ASCC3: variants seen among roughly 807,000 people sequenced by gnomAD.
The protein encoded by ASCC3 is ASC-1 complex subunit P200.
In ASCC3, 158 loss-of-function variants were observed where a neutral mutation model predicts 256.3. The observed-to-expected ratio is 0.62, with a 90% CI of 0.54 to 0.70. The LOEUF (loss-of-function observed/expected upper bound fraction) is 0.70. Among genes scored for constraint, ASCC3 ranks in the 30% least tolerant of loss-of-function variants. ASCC3 has a pLI of 0.00. For missense variants in ASCC3, 2,259 were observed against 2,626.0 expected (o/e 0.86, Z 3.05); for synonymous variants, 948 against 883.4 (o/e 1.07, Z -1.30).
At chr6:100,760,804 G>GAAAAT (rs1281293670) in intron 10 of ASCC3, among the ~76,000 whole-genome samples, 2 of 152,206 alleles carry the variant, frequency 1.3e-5, no homozygotes, top group East Asian at 3.9e-4. Flanking sequence ...GAACAGATTG[G>GAAAAT]AAAATAAAAC....
At chr6:100,745,098 GC>G (rs1780601141) in intron 10 of ASCC3, among the ~76,000 whole-genome samples, 1 of 152,190 alleles carries the variant, frequency 6.6e-6, no homozygotes, top group Admixed American at 6.5e-5. Flanking sequence ...GGAGGCCGAG[GC>G]AGGCGGATCA....
chr6:100,568,798 G>C (rs893568369), intron 36 of ASCC3, among the ~76,000 whole-genome samples: 3 of 142,976 alleles, frequency 2.1e-5, no homozygotes, highest in African/African-American at 7.8e-5. Context: ...TATTTTTTGA[G>C]ACAGAGTCTC....
At chr6:100,535,474 T>G (rs1009339591) in intron 37 of ASCC3, among the ~76,000 whole-genome samples, 2 of 145,744 alleles carry the variant, frequency 1.4e-5, no homozygotes, top group African/African-American at 5.1e-5. Flanking sequence ...GTGTTTTTTT[T>G]TTTTTTTTTT....
intron 11 of ASCC3, among the ~76,000 whole-genome samples, chr6:100,724,610 C>T (rs964362752): frequency 6.6e-6 from 1 of 151,108 alleles, no homozygotes; most frequent in Non-Finnish European, 1.5e-5. Flanking sequence ...CTCTGAGAAA[C>T]GAGTAAGGGG....
At chr6:100,578,435 T>C (rs1376195682) in intron 36 of ASCC3, among the ~76,000 whole-genome samples, 1 of 151,970 alleles carries the variant, frequency 6.6e-6, no homozygotes. Context: ...CACATTCAAG[T>C]AGGCCCTTGT....
intron 4 of ASCC3, among the ~76,000 whole-genome samples, chr6:100,809,942 C>T (rs1340676770): frequency 6.6e-6 from 1 of 152,114 alleles, no homozygotes; most frequent in Non-Finnish European, 1.5e-5. Flanking sequence ...CCCATTATGT[C>T]ATATGCCCTG....
intron 8 of ASCC3, among the ~76,000 whole-genome samples, chr6:100,794,408 A>T (rs1185131167): frequency 1.3e-5 from 2 of 152,054 alleles, no homozygotes; most frequent in African/African-American, 4.8e-5. Context: ...TTTGTGTGGC[A>T]TACACCACCA....
At chr6:100,532,404 ATATTTTTTT>A (rs1180875223) in intron 37 of ASCC3, among the ~76,000 whole-genome samples, 454 of 47,940 alleles carry the variant, frequency 9.5e-3, no homozygotes, top group Middle Eastern at 0.015. Context: ...ATATATATAT[ATATTTTTTT>A]TTTTTTTTTT....
At chr6:100,827,723 T>C (rs905472746) in intron 4 of ASCC3, among the ~76,000 whole-genome samples, 1 of 152,170 alleles carries the variant, frequency 6.6e-6, no homozygotes, top group African/African-American at 2.4e-5. Context: ...TACTACTATA[T>C]TGTACACTTT....
At chr6:100,560,748 AACACACACACACACACACAC>A (rs747539213) in intron 36 of ASCC3, among the ~76,000 whole-genome samples, 3 of 133,878 alleles carry the variant, frequency 2.2e-5, no homozygotes, top group East Asian at 4.6e-4. Flanking sequence ...ATCTTAGAGG[AACACACACACACACACACAC>A]ACACACACAC....
intron 26 of ASCC3, 44 bp downstream of exon 26, chr6:100,631,084 T>C (rs1170755455): frequency 2.9e-6 from 4 of 1,377,166 alleles, no homozygotes; most frequent in Admixed American, 3.5e-5. Flanking sequence ...CTGGTCCTTT[T>C]AGTCAATTCA....
intron 21 of ASCC3, 25 bp from the exon 22 acceptor site, chr6:100,646,794 G>A (rs1775404425): frequency 6.2e-7 from 1 of 1,610,826 alleles, no homozygotes; most frequent in African/African-American, 1.3e-5. Context: ...TCACATAGAA[G>A]AAATGTGTCC....
intron 4 of ASCC3, among the ~76,000 whole-genome samples, chr6:100,837,077 G>C (rs566455845): frequency 6.6e-6 from 1 of 152,050 alleles, no homozygotes; most frequent in African/African-American, 2.4e-5. Context: ...AATCTGAATA[G>C]ACATTTCTGA....
intron 25 of ASCC3, among the ~76,000 whole-genome samples, 180 bp downstream of exon 25, chr6:100,638,418 GGTA>G (rs964341846): frequency 2.0e-4 from 30 of 152,158 alleles, no homozygotes; most frequent in African/African-American, 7.2e-4. Flanking sequence ...ACTATATTGT[GGTA>G]GTATATAACC....
chr6:100,590,008 G>A lies in ASCC3; in HGVS notation c.5355C>T (p.Ser1785=), dbSNP rs1771920628. The change falls in exon 35 of 42, where the codon TCC becomes TCT. Residue 1785 remains serine, a synonymous_variant. Coordinates refer to ENST00000369162, the MANE Select transcript of ASCC3 (RefSeq NM_006828.4). ...CAATCAGGGACTTCTCAATCAGATG[G>A]GACAGAAACTTGTTCACAGAATCAT... ...VSHDSVNKFL[S]HLIEKSLIEL... The A allele has an allele frequency of 6.2e-7, 1 of 1,613,346 alleles. No homozygotes were observed. Among genetic ancestry groups the A allele is most frequent in the African/African-American group, 1.3e-5 (1 of 74,812 alleles).
chr6:100,632,617 A>G (rs1774613478), intron 25 of ASCC3, among the ~76,000 whole-genome samples: 1 of 152,166 alleles, frequency 6.6e-6, no homozygotes, highest in Non-Finnish European at 1.5e-5. Flanking sequence ...TGGACCTGAC[A>G]TAAAAAGAGG....
rs1771113914 is a variant in ASCC3 at position 100,579,913 on chromosome 6, G to C, written c.5550+9721C>G. 2.6e-5 allele frequency among the ~76,000 whole-genome samples: 4 copies of C among 152,180 alleles called. No individual in the cohort carries two copies. In the Middle Eastern group the frequency reaches 0.014, roughly 518 times the overall value. Reference sequence around the variant, plus strand: ...TAGCACTGAATGTATAAATTGCTTTGGGCAGTATGGCCATTTTAACAATAG... The same window carrying C: ...TAGCACTGAATGTATAAATTGCTTTCGGCAGTATGGCCATTTTAACAATAG... On this transcript the variant is annotated intron_variant, in intron 36 of 41. Coordinates refer to ENST00000369162, the MANE Select transcript of ASCC3 (RefSeq NM_006828.4).
chr6:100,726,339 GATT>G (rs1304598092), intron 10 of ASCC3, among the ~76,000 whole-genome samples: 2 of 151,906 alleles, frequency 1.3e-5, no homozygotes, highest in African/African-American at 4.8e-5. Context: ...GTACAAAGTA[GATT>G]ATTAAATTAC....
chr6:100,575,653 C>A (rs1582476117), intron 36 of ASCC3, among the ~76,000 whole-genome samples: 1 of 151,770 alleles, frequency 6.6e-6, no homozygotes, highest in Non-Finnish European at 1.5e-5. Context: ...TTTTAATATT[C>A]GATATATAAA....
Sources: allele counts gnomAD v4.1 joint callset (sites outside exome capture counted in the v4.1 genomes callset), GRCh38; gene constraint gnomAD v4.1.1; transcripts MANE v1.5; gene names NCBI Gene and HGNC (gene_info 2026-07-23, HGNC 2026-07-21).